Variants in TTC29 observed in about 807,000 individuals in gnomAD.
TTC29 encodes tetratricopeptide repeat domain 29, also known as tetratricopeptide repeat protein 29.
Under a neutral mutation model 58.1 loss-of-function variants are expected in TTC29, and 49 were observed. The observed-to-expected ratio is 0.84, with a 90% CI of 0.67 to 1.07. The LOEUF (loss-of-function observed/expected upper bound fraction) is 1.07. Ranked by LOEUF, TTC29 falls within the 50% of genes least tolerant of loss-of-function variation. TTC29 has a pLI of 0.00. For missense variants in TTC29, 582 were observed against 555.6 expected (o/e 1.05, Z -0.48); for synonymous variants, 209 against 196.8 (o/e 1.06, Z -0.52).
chr4:146,902,460 A>C (rs752061255), intron 6 of TTC29, among the ~76,000 whole-genome samples: 1 of 152,188 alleles, frequency 6.6e-6, no homozygotes, highest in Non-Finnish European at 1.5e-5. Flanking sequence ...TTAAAAAAAT[A>C]ATTTAACTAT....
intron 11 of TTC29, among the ~76,000 whole-genome samples, chr4:146,798,400 A>G (rs1749973819): frequency 6.6e-6 from 1 of 152,164 alleles, no homozygotes; most frequent in African/African-American, 2.4e-5. Context: ...CCAACCAGGG[A>G]AAAGTAAAAC....
chr4:146,747,268 C>T (rs1010053000), intron 11 of TTC29, among the ~76,000 whole-genome samples: 4 of 152,148 alleles, frequency 2.6e-5, no homozygotes, highest in Non-Finnish European at 5.9e-5. Flanking sequence ...ACTGCTACTG[C>T]TCTGTACCAT....
At chr4:146,752,891 A>C (rs1332263560) in intron 11 of TTC29, among the ~76,000 whole-genome samples, 1 of 152,244 alleles carries the variant, frequency 6.6e-6, no homozygotes, top group Admixed American at 6.5e-5. Context: ...TACCTTATAC[A>C]AAAATTAATT....
chr4:146,915,722 A>T (rs1486604205), intron 4 of TTC29, among the ~76,000 whole-genome samples: 1 of 152,026 alleles, frequency 6.6e-6, no homozygotes, highest in African/African-American at 2.4e-5. Flanking sequence ...GAATTTTTAA[A>T]ATCAAAGGCA....
intron 9 of TTC29, among the ~76,000 whole-genome samples, chr4:146,820,648 G>C (rs929312957): frequency 1.3e-5 from 2 of 152,042 alleles, no homozygotes; most frequent in African/African-American, 4.8e-5. Flanking sequence ...TAATAGCCAA[G>C]GCATGAAAAC....
chr4:146,842,374 C>T (rs1257278955), intron 8 of TTC29, among the ~76,000 whole-genome samples: 1 of 152,086 alleles, frequency 6.6e-6, no homozygotes, highest in Non-Finnish European at 1.5e-5. Flanking sequence ...AAGCCCATTC[C>T]TCTTCTTGTG....
At chr4:146,791,451 C>T (rs1006841131) in intron 11 of TTC29, among the ~76,000 whole-genome samples, 3 of 152,044 alleles carry the variant, frequency 2.0e-5, no homozygotes, top group Non-Finnish European at 2.9e-5. Context: ...GTATTGCATC[C>T]ATAAAAGACA....
At chr4:146,758,029 C>T (rs1330671780) in intron 11 of TTC29, among the ~76,000 whole-genome samples, 3 of 152,098 alleles carry the variant, frequency 2.0e-5, no homozygotes, top group Non-Finnish European at 2.9e-5. Context: ...TTAAATGCTG[C>T]ACTTAAAAGG....
chr4:146,789,456 C>T (rs917914877), intron 11 of TTC29, among the ~76,000 whole-genome samples: 7 of 152,204 alleles, frequency 4.6e-5, no homozygotes, highest in African/African-American at 1.7e-4. Context: ...CATTTCGATG[C>T]AAGTGGTCCT....
intron 8 of TTC29, among the ~76,000 whole-genome samples, chr4:146,841,528 G>A (rs971472873): frequency 2.0e-5 from 3 of 151,890 alleles, no homozygotes; most frequent in Non-Finnish European, 2.9e-5. Context: ...ATTTGAGATG[G>A]GAGTTTTGCA....
chr4:146,820,182 A>G lies in TTC29; in HGVS notation c.1044T>C (p.Phe348=). ...KKFVKIARNN[F]QSLDLVRAST... is the part of the protein sequence containing the mutation. ...TTGCTCTCACCAAATCTAGGCTTTG[A>G]AAATTGTTTCTTGCAATTTTCACAA... Residue 348 remains phenylalanine, a synonymous_variant, in exon 10 of 13, where the codon TTT becomes TTC. Coordinates refer to ENST00000325106, the MANE Select transcript of TTC29 (RefSeq NM_031956.4). 1 of 1,613,330 alleles carries G rather than the reference A, an allele frequency of 6.2e-7. No individual in the cohort carries two copies.
chr4:146,810,303 A>G (rs746498523), intron 10 of TTC29, among the ~76,000 whole-genome samples: 6 of 152,172 alleles, frequency 3.9e-5, no homozygotes, highest in Non-Finnish European at 5.9e-5. Flanking sequence ...TACCTAATAT[A>G]GATGACAGGT....
intron 6 of TTC29, among the ~76,000 whole-genome samples, chr4:146,883,518 T>C (rs1457758940): frequency 1.3e-5 from 2 of 152,092 alleles, no homozygotes; most frequent in Non-Finnish European, 2.9e-5. Flanking sequence ...GAGGCACTAA[T>C]TGGAAACAGC....
At chr4:146,717,992 C>A (rs1194404214) in intron 11 of TTC29, among the ~76,000 whole-genome samples, 1 of 152,094 alleles carries the variant, frequency 6.6e-6, no homozygotes, top group African/African-American at 2.4e-5. Flanking sequence ...TTATATGTGT[C>A]TTTCTATGCC....
chr4:146,753,865 G>A (rs1234322515), intron 11 of TTC29, among the ~76,000 whole-genome samples: 3 of 151,938 alleles, frequency 2.0e-5, no homozygotes, highest in Non-Finnish European at 4.4e-5. Flanking sequence ...AAGAAAACAT[G>A]GACACAGGAA....
intron 6 of TTC29, among the ~76,000 whole-genome samples, chr4:146,902,016 A>C (rs1733182410): frequency 6.6e-6 from 1 of 152,206 alleles, no homozygotes; most frequent in Non-Finnish European, 1.5e-5. Context: ...GATGTTGCTA[A>C]ATACATTTAG....
chr4:146,720,781 A>G (rs758909994), intron 11 of TTC29, among the ~76,000 whole-genome samples: 4 of 151,952 alleles, frequency 2.6e-5, no homozygotes, highest in Non-Finnish European at 5.9e-5. Flanking sequence ...GATTCACACT[A>G]CTCCACTCTC....
chr4:146,782,963 A>G (rs1247938050), intron 11 of TTC29, among the ~76,000 whole-genome samples: 1 of 152,070 alleles, frequency 6.6e-6, no homozygotes, highest in Non-Finnish European at 1.5e-5. Flanking sequence ...GTCATAGGAG[A>G]GGAAGCAGTT....
chr4:146,864,206 C>G (rs531900919), intron 8 of TTC29, among the ~76,000 whole-genome samples: 1 of 152,190 alleles, frequency 6.6e-6, no homozygotes, highest in South Asian at 2.1e-4. Flanking sequence ...TCCCTGCAAG[C>G]CTTTCACATT....
Sources: allele counts gnomAD v4.1 joint callset (sites outside exome capture counted in the v4.1 genomes callset), GRCh38; gene constraint gnomAD v4.1.1; transcripts MANE v1.5; gene names NCBI Gene and HGNC (gene_info 2026-07-23, HGNC 2026-07-21).